CHN2: variants seen among roughly 807,000 people sequenced by gnomAD.
The protein encoded by CHN2 is beta-chimaerin.
In CHN2, 35 loss-of-function variants were observed where a neutral mutation model predicts 56.3. That is an observed-to-expected ratio of 0.62 (90% CI 0.47 to 0.82). The LOEUF is 0.82. Among genes scored for constraint, CHN2 ranks in the 40% least tolerant of loss-of-function variants. CHN2 has a pLI of 0.00. For missense variants in CHN2, 491 were observed against 580.5 expected (o/e 0.85, Z 1.58); for synonymous variants, 210 against 212.8 (o/e 0.99, Z 0.12).
chr7:29,454,711 T>C (rs1009911723), intron 6 of CHN2, among the ~76,000 whole-genome samples: 13 of 152,134 alleles, frequency 8.5e-5, no homozygotes, highest in Admixed American at 1.3e-4. Flanking sequence ...TCCATTTCAT[T>C]GGCCAAAAAA....
At chr7:29,470,887 C>T (rs759219381) in intron 6 of CHN2, among the ~76,000 whole-genome samples, 2 of 151,980 alleles carry the variant, frequency 1.3e-5, no homozygotes. Context: ...ACTTCTTTGG[C>T]CAGAAGTGGG....
chr7:29,263,670 C>T (rs1242305476), intron 1 of CHN2, among the ~76,000 whole-genome samples: 3 of 150,796 alleles, frequency 2.0e-5, no homozygotes, highest in Non-Finnish European at 4.4e-5. Flanking sequence ...AGCGCCTCTT[C>T]CCGGCCGTCA....
chr7:29,180,494 T>TGGGCGACAGAGCGACA, intron 2 of CHN2, among the ~76,000 whole-genome samples: 1 of 151,446 alleles, frequency 6.6e-6, no homozygotes, highest in Non-Finnish European at 1.5e-5. Context: ...GCCACTGCAC[T>TGGGCGACAGAGCGACA]GGGCGACAGA....
chr7:29,434,694 C>T (rs552989465), intron 6 of CHN2, among the ~76,000 whole-genome samples: 38 of 152,266 alleles, frequency 2.5e-4, no homozygotes, highest in South Asian at 2.3e-3. Flanking sequence ...CAAATAAGGC[C>T]ATAGTCGCAG....
intron 1 of CHN2, among the ~76,000 whole-genome samples, chr7:29,351,891 C>T (rs768454553): frequency 6.6e-6 from 1 of 152,112 alleles, no homozygotes; most frequent in Non-Finnish European, 1.5e-5. Context: ...GTTGTGATCT[C>T]CAGTCTCTGC....
intron 6 of CHN2, among the ~76,000 whole-genome samples, chr7:29,409,632 C>G (rs1803011597): frequency 6.6e-6 from 1 of 152,142 alleles, no homozygotes; most frequent in Non-Finnish European, 1.5e-5. Flanking sequence ...TTCTTATAGC[C>G]TTTTCAGGTA....
chr7:29,300,224 A>G (rs1477464082), intron 1 of CHN2, among the ~76,000 whole-genome samples: 2 of 152,234 alleles, frequency 1.3e-5, no homozygotes, highest in African/African-American at 4.8e-5. Flanking sequence ...AGCAATGGTA[A>G]GCAGAGTGTA....
intron 1 of CHN2, among the ~76,000 whole-genome samples, chr7:29,280,043 G>T (rs942684040): frequency 2.0e-5 from 3 of 152,068 alleles, no homozygotes; most frequent in African/African-American, 7.2e-5. Context: ...AGACAGAGTT[G>T]ATGGGATGAT....
intron 1 of CHN2, among the ~76,000 whole-genome samples, chr7:29,293,925 G>A (rs1426893645): frequency 1.0e-4 from 15 of 143,018 alleles, no homozygotes; most frequent in African/African-American, 2.7e-4. Flanking sequence ...GGACTGCAGC[G>A]GCGCGATCTC....
intron 1 of CHN2, among the ~76,000 whole-genome samples, chr7:29,276,873 C>A (rs62442866): frequency 0.033 from 5,088 of 152,266 alleles, 113 homozygotes; most frequent in East Asian, 0.083. Flanking sequence ...GCATTGTTTA[C>A]ATTCAAGGTG....
At chr7:29,243,053 A>G (rs936226038) in intron 1 of CHN2, among the ~76,000 whole-genome samples, 1 of 152,146 alleles carries the variant, frequency 6.6e-6, no homozygotes, top group African/African-American at 2.4e-5. Flanking sequence ...TTTTTAATGG[A>G]CATATTTTGT....
chr7:29,267,591 A>G (rs1027936024), intron 1 of CHN2, among the ~76,000 whole-genome samples: 1 of 152,168 alleles, frequency 6.6e-6, no homozygotes, highest in Non-Finnish European at 1.5e-5. Flanking sequence ...AAGGCCACCT[A>G]CTTTTCCACA....
intron 1 of CHN2, among the ~76,000 whole-genome samples, chr7:29,352,350 C>CGTGTGTGTGTGT (rs60859228): frequency 0.013 from 1,910 of 149,940 alleles, 38 homozygotes; most frequent in African/African-American, 0.045. Context: ...TGCAGTCTGT[C>CGTGTGTGTGTGT]GTGTGTGTGT....
At chr7:29,494,923 GCTTTTT>G (rs1789078512) in intron 7 of CHN2, among the ~76,000 whole-genome samples, 1 of 93,450 alleles carries the variant, frequency 1.1e-5, no homozygotes, top group Admixed American at 1.7e-4. Context: ...TCATCATCCT[GCTTTTT>G]TGTTAAATAA....
chr7:29,214,207 A>G (rs39056), intron 1 of CHN2, among the ~76,000 whole-genome samples: 70,021 of 151,960 alleles, frequency 0.46, 17,579 homozygotes, highest in Non-Finnish European at 0.55. Flanking sequence ...AGTAATTATC[A>G]GTAAACACCT....
intron 1 of CHN2, among the ~76,000 whole-genome samples, chr7:29,237,205 G>A (rs977472855): frequency 6.6e-6 from 1 of 152,142 alleles, no homozygotes; most frequent in Non-Finnish European, 1.5e-5. Flanking sequence ...TAATGTATGA[G>A]ATAGAAAATA....
At chr7:29,280,116 G>A in intron 1 of CHN2, among the ~76,000 whole-genome samples, 1 of 152,302 alleles carries the variant, frequency 6.6e-6, no homozygotes, top group South Asian at 2.1e-4. Context: ...ATGCGCGGTG[G>A]CTCACGCCTG....
chr7:29,326,220 C>T (rs955212197), intron 1 of CHN2, among the ~76,000 whole-genome samples: 1 of 152,128 alleles, frequency 6.6e-6, no homozygotes, highest in African/African-American at 2.4e-5. Context: ...TGCAGTGGCG[C>T]AATCTCGAAT....
intron 1 of CHN2, among the ~76,000 whole-genome samples, chr7:29,276,441 A>G (rs1791228101): frequency 6.6e-6 from 1 of 152,170 alleles, no homozygotes; most frequent in Admixed American, 6.5e-5. Context: ...TGTGGCAGGC[A>G]TCACTGGCTC....
Sources: allele counts gnomAD v4.1 joint callset (sites outside exome capture counted in the v4.1 genomes callset), GRCh38; gene constraint gnomAD v4.1.1; transcripts MANE v1.5; gene names NCBI Gene and HGNC (gene_info 2026-07-23, HGNC 2026-07-21).